The following TTC8 variants were observed in gnomAD, a reference collection of about 807,000 sequenced individuals.
TTC8 encodes tetratricopeptide repeat domain 8.
In TTC8, 47 loss-of-function variants were observed where a neutral mutation model predicts 72.5. That is an observed-to-expected ratio of 0.65 (90% confidence interval 0.51 to 0.83). TTC8 has a LOEUF of 0.83. Ranked by LOEUF, TTC8 falls within the 40% of genes least tolerant of loss-of-function variation. The pLI, the probability that TTC8 is intolerant of heterozygous loss-of-function variation, is 0.00. For synonymous variants in TTC8, 199 were observed against 221.4 expected (o/e 0.90, Z 0.90); for missense variants, 611 against 623.2 (o/e 0.98, Z 0.21).
At chr14:88,863,802 A>G (rs529221445) in intron 10 of TTC8, among the ~76,000 whole-genome samples, 1 of 152,330 alleles carries the variant, frequency 6.6e-6, no homozygotes, top group East Asian at 1.9e-4. Flanking sequence ...CTTCTGGCAG[A>G]TAGGAATGTA....
chr14:88,875,139 T>G, intron 14 of TTC8, 30 bp downstream of exon 14: 1 of 1,548,022 alleles, frequency 6.5e-7, no homozygotes, highest in African/African-American at 1.4e-5. Flanking sequence ...ATTTATCATC[T>G]GATCTGTTCT....
At chr14:88,825,104 T>A (rs1224154562) in intron 1 of TTC8, among the ~76,000 whole-genome samples, 1 of 152,242 alleles carries the variant, frequency 6.6e-6, no homozygotes, top group Non-Finnish European at 1.5e-5. Context: ...CCCTGAACTT[T>A]ACTTGACGAG....
chr14:88,849,950 A>G (rs1050604816), intron 7 of TTC8, among the ~76,000 whole-genome samples: 3 of 152,158 alleles, frequency 2.0e-5, no homozygotes. Flanking sequence ...TGAAGTTGTT[A>G]CAACTATAAC....
At chr14:88,833,067 A>G (rs1028770386) in intron 1 of TTC8, among the ~76,000 whole-genome samples, 2 of 152,258 alleles carry the variant, frequency 1.3e-5, no homozygotes, top group Non-Finnish European at 2.9e-5. Flanking sequence ...TTTTGGATTT[A>G]GAGCTGTAGA....
chr14:88,863,812 A>C (rs990200973), intron 10 of TTC8, among the ~76,000 whole-genome samples: 3 of 152,178 alleles, frequency 2.0e-5, no homozygotes, highest in Admixed American at 1.3e-4. Context: ...ATAGGAATGT[A>C]TTACTTTTTA....
chr14:88,859,840 T>C (rs946512469), intron 9 of TTC8, among the ~76,000 whole-genome samples: 1 of 101,036 alleles, frequency 9.9e-6, no homozygotes, highest in Non-Finnish European at 2.5e-5. Flanking sequence ...CATATAAAAA[T>C]AATATAAATA....
intron 7 of TTC8, among the ~76,000 whole-genome samples, chr14:88,847,113 C>G (rs1364754054): frequency 2.6e-5 from 4 of 152,120 alleles, no homozygotes; most frequent in African/African-American, 9.7e-5. Flanking sequence ...TCAGAATCCT[C>G]AAGGGTAGGT....
rs140698625 is a variant in TTC8, at chr14:88,872,432, C to T, written c.1327C>T (p.Arg443Trp). ...AYNNLAVLEM[R>W]KGHVEQARAL... ...CAACAACCTGGCTGTGCTGGAGATG[C>T]GGAAGGGCCACGTTGAACAGGTCAG... Residue 443 changes from arginine to tryptophan, a missense_variant, in exon 13 of 15, where the codon CGG (arginine) becomes TGG (tryptophan). Arg to Trp is a moderately radical substitution (Grantham distance 101). Transcript: ENST00000380656. 1.0e-3 allele frequency: 1,684 copies of T among 1,613,830 alleles called. 2 individuals carry two copies. Among genetic ancestry groups the T allele is most frequent in the Non-Finnish European group, 1.3e-3 (1,490 of 1,179,856 alleles).
Position 88,870,084 on chromosome 14 carries a change from C to T in TTC8, c.935C>T (p.Ala312Val), listed in dbSNP as rs1010519307. Residue 312 changes from alanine (A) to valine (V), a missense_variant, in exon 11 of 15, where the codon GCA (alanine) becomes GTA (valine). Transcript: ENST00000380656. ...GAAATGAACAATATGTCATCAGCAG[C>T]AGAATATTACAAAGAAGTTTTGAAA... The part of the protein sequence containing the change: ...YEEMNNMSSA[A>V]EYYKEVLKQD... The T allele has an allele frequency of 2.5e-6, 4 of 1,613,988 alleles. No individual in the cohort carries two copies. In the East Asian group the frequency reaches 8.9e-5, roughly 36 times the overall value.
chr14:88,869,863 A>G (rs2094926410), intron 10 of TTC8, among the ~76,000 whole-genome samples, 196 bp from the exon 11 acceptor site: 1 of 152,130 alleles, frequency 6.6e-6, no homozygotes, highest in Non-Finnish European at 1.5e-5. Flanking sequence ...TGCCTTTCAT[A>G]CCAGATGTCA....
intron 2 of TTC8, 62 bp from the exon 3 acceptor site, chr14:88,839,390 A>T: frequency 6.5e-7 from 1 of 1,547,614 alleles, no homozygotes; most frequent in Admixed American, 1.7e-5. Flanking sequence ...GGCTATTTCT[A>T]TAAGCTGTGT....
chr14:88,849,601 C>T (rs1400712325), intron 7 of TTC8, among the ~76,000 whole-genome samples: 3 of 151,890 alleles, frequency 2.0e-5, no homozygotes, highest in Non-Finnish European at 4.4e-5. Context: ...CCATGGAAAA[C>T]GATTTTTCTG....
At chr14:88,872,903 C>A (rs565935868) in intron 13 of TTC8, among the ~76,000 whole-genome samples, 2 of 152,286 alleles carry the variant, frequency 1.3e-5, no homozygotes, top group Admixed American at 1.3e-4. Context: ...ATTCCCATGA[C>A]CCTTCTTCAG....
intron 7 of TTC8, 45 bp from the exon 8 acceptor site, chr14:88,852,926 T>G: frequency 6.7e-7 from 1 of 1,499,258 alleles, no homozygotes; most frequent in Non-Finnish European, 9.3e-7. Flanking sequence ...TGACTGCTTA[T>G]TGTTAGAAAA....
intron 1 of TTC8, among the ~76,000 whole-genome samples, chr14:88,827,981 G>A (rs1402395570): frequency 4.6e-5 from 7 of 152,216 alleles, no homozygotes; most frequent in Non-Finnish European, 7.4e-5. Flanking sequence ...TGAGTGCGTC[G>A]ATCATGTTCA....
intron 8 of TTC8, among the ~76,000 whole-genome samples, chr14:88,855,930 C>T (rs1056018370): frequency 6.6e-6 from 1 of 152,086 alleles, no homozygotes; most frequent in Non-Finnish European, 1.5e-5. Flanking sequence ...AAACAAAATA[C>T]AAAAGTTAGT....
At chr14:88,843,205 T>C (rs1040754150) in intron 6 of TTC8, among the ~76,000 whole-genome samples, 1 of 152,204 alleles carries the variant, frequency 6.6e-6, no homozygotes, top group Non-Finnish European at 1.5e-5. Flanking sequence ...TTAAAAAATA[T>C]AAGGTCAGGG....
intron 1 of TTC8, among the ~76,000 whole-genome samples, chr14:88,827,525 T>C (rs1486930394): frequency 6.6e-6 from 1 of 152,212 alleles, no homozygotes; most frequent in African/African-American, 2.4e-5. Flanking sequence ...TTACCAGGAA[T>C]AGACGTTTAA....
At chr14:88,874,959 A>G in intron 13 of TTC8, 67 bp from the exon 14 acceptor site, 1 of 1,287,580 alleles carries the variant, frequency 7.8e-7, no homozygotes, top group Non-Finnish European at 1.1e-6. Flanking sequence ...CAAAAAAAAA[A>G]CACAAATATG....
Sources: gnomAD v4.1 joint callset for allele counts (sites outside exome capture counted in the v4.1 genomes callset) on GRCh38, gnomAD v4.1.1 for gene constraint, MANE v1.5 for transcripts, NCBI Gene and HGNC (gene_info 2026-07-23, HGNC 2026-07-21) for gene names.